Variants in LAT2 observed in about 807,000 individuals in gnomAD.
LAT2 encodes linker for activation of T cells family member 2, also known as linker for activation of T-cells family member 2.
In LAT2, 23 loss-of-function variants were observed where a neutral mutation model predicts 43.4. The ratio of observed to expected loss-of-function variants is 0.53; its 90% CI spans 0.38 to 0.75. The LOEUF (loss-of-function observed/expected upper bound fraction) is 0.75, where lower values mean the gene tolerates loss of function less well. LAT2 is among the 30% of genes least tolerant of loss of function. LAT2 has a pLI of 0.00. For synonymous variants in LAT2, 128 were observed against 123.2 expected (o/e 1.04, Z -0.26); for missense variants, 284 against 310.2 (o/e 0.92, Z 0.64).
In LAT2 at chr7:74,224,751, A is replaced by G. The variant is rs1554715853; in HGVS notation, c.*9A>G. The G allele has an allele frequency of 1.9e-6, 3 of 1,574,458 alleles. No individual in the cohort carries two copies. Among genetic ancestry groups the G allele is most frequent in the Non-Finnish European group, 1.7e-6 (2 of 1,159,084 alleles). ...CAGCCACAGAAGCCTAGGGCAGACC[A>G]AGAAGAAAGGTACAGCCCCTGCTCT... On this transcript the variant is annotated 3_prime_UTR_variant, in exon 13 of 14. Transcript: ENST00000460943.
chr7:74,223,971 G>T (rs1554715685), intron 11 of LAT2, 47 bp from the exon 12 acceptor site: 1 of 1,584,790 alleles, frequency 6.3e-7, no homozygotes, highest in South Asian at 1.1e-5. Flanking sequence ...GGCTCCTGGT[G>T]CCTCTGTGGG....
Position 74,220,167 on chromosome 7 carries a change from C to A in LAT2, c.228-50C>A, listed in dbSNP as rs781871196. The A allele has an allele frequency of 1.3e-6, 2 of 1,572,672 alleles. No homozygotes were observed. Among genetic ancestry groups the A allele is most frequent in the South Asian group, 1.2e-5 (1 of 85,662 alleles). The stretch of plus-strand genomic sequence containing the variant: ...GTATGGGGGGATGTGTCCTGGGGGG[C>A]CTCTCCCCTACAGCCCCTCCTTTAA... On this transcript the variant is annotated intron_variant, in intron 6 of 13. Transcript: ENST00000460943. The surrounding 1 kb of genome is among the most constrained non-coding windows in gnomAD (Gnocchi z 4.5).
intron 2 of LAT2, among the ~76,000 whole-genome samples, chr7:74,215,583 G>A (rs1415754470): frequency 3.3e-5 from 5 of 152,186 alleles, no homozygotes; most frequent in African/African-American, 1.2e-4. Context: ...CTTAGCAGAC[G>A]TGAGCTCTCT....
intron 13 of LAT2, 62 bp downstream of exon 13, chr7:74,224,822 A>T: frequency 8.1e-7 from 1 of 1,229,296 alleles, no homozygotes; most frequent in Non-Finnish European, 1.1e-6. Context: ...AAGCTGCAGG[A>T]CCCCCAATCC....
In LAT2 at chr7:74,214,093, T is replaced by A. The variant is rs1362984881; in HGVS notation, c.-218-729T>A. Among the ~76,000 whole-genome samples, 132 of 114,478 alleles carry A rather than the reference T, an allele frequency of 1.2e-3. 2 individuals are homozygous for A. The highest frequency in any genetic ancestry group is 5.2e-3 in the Admixed American group (47 of 8,990). The allele number at this position is 114,478 out of a possible 152,430, so 75.1% of individuals were successfully genotyped here. On this transcript the variant is annotated intron_variant, in intron 1 of 13. Transcript: ENST00000460943. ...ATATAAATATATATATATGAAAAAA[T>A]ATATATAAATATATATATGAAAATA... is the stretch of plus-strand genomic sequence containing the variant.
intron 12 of LAT2, 118 bp downstream of exon 12, chr7:74,224,315 T>C (rs1802404366): frequency 8.1e-6 from 9 of 1,105,024 alleles, no homozygotes; most frequent in South Asian, 1.4e-5. Flanking sequence ...CCCGCAGTGA[T>C]GCCTGGGTGC....
At chr7:74,214,075 TATATATATATGAAAAAATATATATAA>T (rs1563966486) in intron 1 of LAT2, among the ~76,000 whole-genome samples, 10 of 124,614 alleles carry the variant, frequency 8.0e-5, no homozygotes, top group East Asian at 4.3e-4. Flanking sequence ...TATATATAAA[TATATATATATGAAAAAATATATATAA>T]ATATATATAT....
At chr7:74,214,254 AT>A (rs1801879703) in intron 1 of LAT2, among the ~76,000 whole-genome samples, 2 of 50,836 alleles carry the variant, frequency 3.9e-5, no homozygotes, top group East Asian at 1.4e-3. Flanking sequence ...ATATATATAA[AT>A]ATATATATAT....
intron 4 of LAT2, among the ~76,000 whole-genome samples, chr7:74,218,054 C>T (rs1367467222): frequency 6.6e-6 from 1 of 152,190 alleles, no homozygotes; most frequent in Non-Finnish European, 1.5e-5. Flanking sequence ...CCCTCAGGCC[C>T]TGCCCACCCC....
rs1802210590 is a variant in LAT2, at chr7:74,220,183, C to T, written c.228-34C>T. 3.1e-6 allele frequency: 5 copies of T among 1,587,514 alleles called. No homozygotes were observed. Among genetic ancestry groups the T allele is most frequent in the Non-Finnish European group, 4.3e-6 (5 of 1,165,288 alleles). On this transcript the variant is annotated intron_variant, in intron 6 of 13. Transcript: ENST00000460943. The surrounding 1 kb of genome is among the most constrained non-coding windows in gnomAD (Gnocchi z 4.5). Reference sequence around the variant, plus strand: ...CCTGGGGGGCCTCTCCCCTACAGCCCCTCCTTTAACTCCCTCCTTCCCCCT... The same window carrying T: ...CCTGGGGGGCCTCTCCCCTACAGCCTCTCCTTTAACTCCCTCCTTCCCCCT...
At chr7:74,218,091 T>A (rs913660142) in intron 4 of LAT2, among the ~76,000 whole-genome samples, 1 of 151,468 alleles carries the variant, frequency 6.6e-6, no homozygotes, top group African/African-American at 2.4e-5. Flanking sequence ...CTTAGAGCCA[T>A]AGATGGTCAG....
chr7:74,212,480 C>A (rs1391867103), intron 1 of LAT2, among the ~76,000 whole-genome samples: 1 of 151,894 alleles, frequency 6.6e-6, no homozygotes, highest in Non-Finnish European at 1.5e-5. Flanking sequence ...CAGGGTTTCA[C>A]CATGTTGGCC....
At chr7:74,214,331 TAA>T (rs1454738097) in intron 1 of LAT2, among the ~76,000 whole-genome samples, 90 of 60,024 alleles carry the variant, frequency 1.5e-3, no homozygotes, top group Non-Finnish European at 2.2e-3. Flanking sequence ...AATATATATA[TAA>T]ATATATATAT....
chr7:74,224,764 C>A lies in LAT2; in HGVS notation c.*18+4C>A, dbSNP rs542987211. On this transcript the variant is annotated splice_donor_region_variant and intron_variant, in intron 13 of 13. Coordinates refer to ENST00000460943, the MANE Select transcript of LAT2 (RefSeq NM_032464.3). ...CTAGGGCAGACCAAGAAGAAAGGTA[C>A]AGCCCCTGCTCTCCAGCTGCCGTGG... 8.5e-6 allele frequency: 13 copies of A among 1,536,600 alleles called. No homozygotes were observed. Among genetic ancestry groups the A allele is most frequent in the East Asian group, 2.4e-5 (1 of 42,460 alleles).
chr7:74,221,944 C>A (rs1802300358), intron 10 of LAT2, among the ~76,000 whole-genome samples: 1 of 149,690 alleles, frequency 6.7e-6, no homozygotes, highest in South Asian at 2.1e-4. Flanking sequence ...AACTAGAGGG[C>A]TGGCTTGGGG....
chr7:74,211,523 TC>T (rs1271410844), intron 1 of LAT2, among the ~76,000 whole-genome samples: 1 of 152,050 alleles, frequency 6.6e-6, no homozygotes, highest in Non-Finnish European at 1.5e-5. Flanking sequence ...AGTGGTGCAA[TC>T]TTGGCTCACT....
intron 9 of LAT2, among the ~76,000 whole-genome samples, chr7:74,221,306 T>C (rs1319645797): frequency 2.0e-5 from 3 of 149,200 alleles, no homozygotes; most frequent in African/African-American, 7.5e-5. Flanking sequence ...TCCCAGCTAC[T>C]CGGGAGGCTG....
chr7:74,220,507 G>A lies in LAT2; in HGVS notation c.266-77G>A. On this transcript the variant is annotated intron_variant, in intron 7 of 13. Transcript: ENST00000460943. This position sits in a 1 kb window ranked among gnomAD's most constrained non-coding sequence, Gnocchi z 4.5. ...TCAGACACGGGAAATAGCTGGCCCT[G>A]CCTTGGGCTGCAGCACCCGAGCTGG... The A allele has an allele frequency of 6.3e-7, 1 of 1,582,078 alleles. No individual in the cohort carries two copies. Among genetic ancestry groups the A allele is most frequent in the Non-Finnish European group, 8.7e-7 (1 of 1,154,112 alleles).
intron 13 of LAT2, among the ~76,000 whole-genome samples, chr7:74,228,405 G>A (rs1166332381): frequency 2.6e-5 from 4 of 151,308 alleles, no homozygotes; most frequent in African/African-American, 9.7e-5. Context: ...GAACCCGGGA[G>A]GCAGAGCTTG....
Sources: gnomAD v4.1 joint callset for allele counts (sites outside exome capture counted in the v4.1 genomes callset) on GRCh38, gnomAD v4.1.1 for gene constraint, Gnocchi (gnomAD v3.1) non-coding constraint, MANE v1.5 for transcripts, NCBI Gene and HGNC (gene_info 2026-07-23, HGNC 2026-07-21) for gene names.